LARGE1: variants seen among roughly 807,000 people sequenced by gnomAD.
LARGE1 encodes the protein xylosyl- and glucuronyltransferase LARGE1.
LARGE1 carries 43 observed loss-of-function variants against 87.6 expected under a neutral mutation model. The observed-to-expected ratio is 0.49, with a 90% confidence interval of 0.38 to 0.63. The LOEUF is 0.63. Ranked by LOEUF, LARGE1 falls within the 30% of genes least tolerant of loss-of-function variation. The probability of loss-of-function intolerance (pLI) is 0.00; values close to 1 mark genes in which losing one functional copy is unlikely to be tolerated. For synonymous variants in LARGE1, 434 were observed against 394.6 expected (o/e 1.10, Z -1.18); for missense variants, 802 against 1,000.2 (o/e 0.80, Z 2.67).
intron 13 of LARGE1, among the ~76,000 whole-genome samples, chr22:33,281,203 C>T (rs1352616303): frequency 6.6e-6 from 1 of 152,198 alleles, no homozygotes; most frequent in Non-Finnish European, 1.5e-5. Context: ...GCTCTTGTGG[C>T]CACAAATGTG....
At chr22:33,706,087 A>C (rs1224505398) in intron 2 of LARGE1, among the ~76,000 whole-genome samples, 2 of 152,218 alleles carry the variant, frequency 1.3e-5, no homozygotes, top group Non-Finnish European at 2.9e-5. Flanking sequence ...ACAAGAAAGA[A>C]GGTTTCTAAA....
intron 7 of LARGE1, among the ~76,000 whole-genome samples, chr22:33,393,550 G>A (rs547804755): frequency 7.4e-4 from 113 of 152,314 alleles, no homozygotes; most frequent in African/African-American, 2.6e-3. Context: ...GAAACAACAC[G>A]GATTTGGCTT....
intron 1 of LARGE1, among the ~76,000 whole-genome samples, chr22:33,803,577 T>A (rs2086227213): frequency 6.6e-6 from 1 of 152,188 alleles, no homozygotes; most frequent in African/African-American, 2.4e-5. Flanking sequence ...CAGCATCTCA[T>A]GGCTATGACT....
intron 1 of LARGE1, among the ~76,000 whole-genome samples, chr22:33,822,135 T>A (rs975005357): frequency 6.6e-6 from 1 of 152,176 alleles, no homozygotes; most frequent in African/African-American, 2.4e-5. Context: ...CTATGTAGCA[T>A]TAAATCTCAC....
At chr22:33,344,435 C>T (rs752380345) in intron 9 of LARGE1, among the ~76,000 whole-genome samples, 6 of 152,062 alleles carry the variant, frequency 3.9e-5, no homozygotes, top group Admixed American at 6.6e-5. Flanking sequence ...AGTATGATAA[C>T]GTGCATTTAA....
At chr22:33,180,113 C>T (rs1313595169) in intron 11 of LARGE1, among the ~76,000 whole-genome samples, 1 of 152,200 alleles carries the variant, frequency 6.6e-6, no homozygotes, top group Non-Finnish European at 1.5e-5. Flanking sequence ...CCAGCCAGCA[C>T]CTTGATCTTG....
At chr22:33,288,636 T>A (rs1301710544) in intron 12 of LARGE1, among the ~76,000 whole-genome samples, 1 of 152,204 alleles carries the variant, frequency 6.6e-6, no homozygotes, top group Non-Finnish European at 1.5e-5. Context: ...TAGGGTTGTT[T>A]AGCTGCAAGC....
intron 1 of LARGE1, among the ~76,000 whole-genome samples, chr22:33,839,899 C>T (rs2063224845): frequency 6.6e-6 from 1 of 152,150 alleles, no homozygotes; most frequent in Admixed American, 6.5e-5. Context: ...CACCTGGACC[C>T]AGGAAACGTG....
At chr22:33,626,197 C>G (rs989413170) in intron 4 of LARGE1, 47 bp downstream of exon 4, 20 of 1,501,616 alleles carry the variant, frequency 1.3e-5, no homozygotes, top group Non-Finnish European at 1.9e-5. Context: ...AATACACAGG[C>G]AGGCAGTGAC....
intron 6 of LARGE1, among the ~76,000 whole-genome samples, chr22:33,517,210 A>C (rs2071351904): frequency 6.6e-6 from 1 of 152,160 alleles, no homozygotes; most frequent in African/African-American, 2.4e-5. Flanking sequence ...TGGATTACTA[A>C]GAGAAGCTAC....
In LARGE1 at chr22:33,853,328, C is replaced by T. The variant is rs572011518; in HGVS notation, c.-83+66667G>A. ...CTCCAGAATCACAGGCAGAAACAGC[C>T]GCTGCTTTTCAAGCACACACAGGTT... On this transcript the variant is annotated intron_variant, in intron 1 of 14. Transcript: ENST00000397394. 1.5e-3 allele frequency among the ~76,000 whole-genome samples: 232 copies of T among 152,234 alleles called. 1 individual carries two copies. Among genetic ancestry groups the T allele is most frequent in the African/African-American group, 5.2e-3 (217 of 41,544 alleles).
chr22:33,462,243 G>A (rs779625124), intron 6 of LARGE1, among the ~76,000 whole-genome samples: 1 of 152,168 alleles, frequency 6.6e-6, no homozygotes, highest in Non-Finnish European at 1.5e-5. Context: ...AATACCTTCA[G>A]TGTGCTGAGA....
chr22:33,779,001 ATT>A (rs1488085247), intron 1 of LARGE1, among the ~76,000 whole-genome samples: 3 of 152,072 alleles, frequency 2.0e-5, no homozygotes, highest in Non-Finnish European at 4.4e-5. Context: ...GAGAGGCCAC[ATT>A]TTGTTTATCC....
chr22:33,619,228 A>G (rs1358668193), intron 4 of LARGE1, among the ~76,000 whole-genome samples: 1 of 152,172 alleles, frequency 6.6e-6, no homozygotes, highest in Non-Finnish European at 1.5e-5. Context: ...CAACGTCTAC[A>G]CTATCACCCA....
rs2063468897 is a variant in LARGE1, at chr22:33,847,507, T to C, written c.-83+72488A>G. Among the ~76,000 whole-genome samples, 3 of 152,208 alleles carry C rather than the reference T, an allele frequency of 2.0e-5. No homozygotes were observed. The South Asian group carries it at 6.2e-4, about 32-fold the overall frequency. The stretch of plus-strand genomic sequence containing the variant: ...AGATATGCTTCACATGGTAACAATA[T>C]TGAGTATAGTTTAGATTCTAACAAT... On this transcript the variant is annotated intron_variant, in intron 1 of 14. Transcript: ENST00000397394.
intron 6 of LARGE1, among the ~76,000 whole-genome samples, chr22:33,494,073 T>C (rs1271096825): frequency 6.6e-6 from 1 of 152,246 alleles, no homozygotes; most frequent in Admixed American, 6.5e-5. Flanking sequence ...AGAAATTAAC[T>C]TTTAAGCTCT....
chr22:33,514,359 T>G (rs1475049716), intron 6 of LARGE1, among the ~76,000 whole-genome samples: 2 of 152,196 alleles, frequency 1.3e-5, no homozygotes, highest in African/African-American at 2.4e-5. Flanking sequence ...CATAGACATA[T>G]GCACACACAT....
intron 7 of LARGE1, among the ~76,000 whole-genome samples, chr22:33,420,134 T>C (rs1332967135): frequency 6.6e-6 from 1 of 152,158 alleles, no homozygotes; most frequent in African/African-American, 2.4e-5. Flanking sequence ...GGTTGTAAAA[T>C]TTCCCACGAG....
the LARGE1 span, among the ~76,000 whole-genome samples, chr22:33,078,311 T>C: frequency 6.6e-6 from 1 of 152,346 alleles, no homozygotes; most frequent in Non-Finnish European, 1.5e-5. Flanking sequence ...TAGTCAGTGA[T>C]AGGCATAGCT....
Sources: allele counts gnomAD v4.1 joint callset (sites outside exome capture counted in the v4.1 genomes callset), GRCh38; gene constraint gnomAD v4.1.1; transcripts MANE v1.5; gene names NCBI Gene and HGNC (gene_info 2026-07-23, HGNC 2026-07-21).